MND1: variants seen among roughly 807,000 people sequenced by gnomAD.
MND1 encodes meiotic nuclear divisions 1, also known as meiotic nuclear division protein 1 homolog.
MND1 carries 28 observed loss-of-function variants against 35.1 expected under a neutral mutation model. The ratio of observed to expected loss-of-function variants is 0.80; its 90% CI spans 0.59 to 1.09. MND1 has a LOEUF of 1.09. MND1 is among the 50% of genes least tolerant of loss of function. The pLI is 0.00. For synonymous variants in MND1, 69 were observed against 70.5 expected, an observed-to-expected ratio of 0.98 and a Z score of 0.11; for missense variants, 213 against 239.6, an observed-to-expected ratio of 0.89 and a Z score of 0.73.
At chr4:153,372,028 G>A (rs1773801936) in intron 4 of MND1, among the ~76,000 whole-genome samples, 1 of 151,980 alleles carries the variant, frequency 6.6e-6, no homozygotes, top group Non-Finnish European at 1.5e-5. Flanking sequence ...ATGGGGGAAC[G>A]GTGAGTCACT....
intron 7 of MND1, among the ~76,000 whole-genome samples, chr4:153,410,126 T>C (rs185456722): frequency 6.6e-6 from 1 of 152,246 alleles, no homozygotes; most frequent in Admixed American, 6.5e-5. Context: ...CTACCTCCCA[T>C]TTTGGGAGGA....
intron 5 of MND1, among the ~76,000 whole-genome samples, chr4:153,396,675 A>G (rs1348942385): frequency 6.6e-6 from 1 of 152,146 alleles, no homozygotes; most frequent in Non-Finnish European, 1.5e-5. Flanking sequence ...TTGAAGCTTT[A>G]TTCTGGTTTA....
chr4:153,349,374 A>G (rs1207298155), intron 1 of MND1, among the ~76,000 whole-genome samples: 1 of 152,064 alleles, frequency 6.6e-6, no homozygotes, highest in Non-Finnish European at 1.5e-5. Flanking sequence ...ATGCAACTCT[A>G]ATCTTGTCAC....
At chr4:153,379,332 AAAAAG>A (rs1391392748) in intron 4 of MND1, among the ~76,000 whole-genome samples, 2 of 151,500 alleles carry the variant, frequency 1.3e-5, no homozygotes, top group African/African-American at 4.8e-5. Context: ...AAAGAAAAAA[AAAAAG>A]AAACCACAAA....
chr4:153,359,997 A>G (rs537076234), intron 4 of MND1, among the ~76,000 whole-genome samples: 1 of 151,786 alleles, frequency 6.6e-6, no homozygotes, highest in African/African-American at 2.4e-5. Context: ...ATGATGGCCA[A>G]GCTGGTCTTG....
intron 2 of MND1, among the ~76,000 whole-genome samples, chr4:153,353,617 T>C (rs1773273373): frequency 6.6e-6 from 1 of 151,768 alleles, no homozygotes; most frequent in African/African-American, 2.4e-5. Context: ...TGGATGAGTA[T>C]AAATTTTTAT....
intron 1 of MND1, chr4:153,345,531 C>T (rs1035247627): frequency 1.3e-5 from 13 of 985,216 alleles, no homozygotes; most frequent in Middle Eastern, 5.2e-4. Context: ...GTGAGCTTAA[C>T]GTCTTTCTGC....
intron 4 of MND1, among the ~76,000 whole-genome samples, chr4:153,389,030 A>G (rs924173178): frequency 3.3e-5 from 5 of 152,238 alleles, no homozygotes; most frequent in Non-Finnish European, 5.9e-5. Flanking sequence ...GTGAGTATGC[A>G]AAGAAAGACT....
chr4:153,378,860 G>C (rs918419826), intron 4 of MND1, among the ~76,000 whole-genome samples: 1 of 152,112 alleles, frequency 6.6e-6, no homozygotes, highest in Non-Finnish European at 1.5e-5. Context: ...CTTCTTATAA[G>C]GGACTTCAGT....
At chr4:153,361,048 AG>A (rs967061959) in intron 4 of MND1, among the ~76,000 whole-genome samples, 17 of 152,176 alleles carry the variant, frequency 1.1e-4, no homozygotes, top group African/African-American at 4.1e-4. Context: ...CATGTTGCCC[AG>A]GCTGGTCTTG....
intron 4 of MND1, among the ~76,000 whole-genome samples, chr4:153,392,625 A>T (rs1034582994): frequency 6.6e-6 from 1 of 152,122 alleles, no homozygotes; most frequent in Admixed American, 6.5e-5. Flanking sequence ...TCCCTTGTAG[A>T]CCCAGGTGAG....
At position 153,355,422 on chromosome 4, in the gene MND1, G is replaced by C. The variant is rs1352224033; in HGVS notation, c.70-232G>C. On this transcript the variant is annotated intron_variant, in intron 2 of 7. Transcript: ENST00000240488. ...TATATTGTATATTTAAAAATACTAA[G>C]AGTGAAATTGGAATGTTCCTAACAC... Among the ~76,000 whole-genome samples, 3 of 152,026 alleles carry C rather than the reference G, an allele frequency of 2.0e-5. No individual in the cohort carries two copies. The East Asian group carries it at 5.8e-4, about 29-fold the overall frequency.
chr4:153,352,564 C>CGTAA (rs1389057794), intron 2 of MND1, among the ~76,000 whole-genome samples: 1 of 151,874 alleles, frequency 6.6e-6, no homozygotes, highest in Non-Finnish European at 1.5e-5. Flanking sequence ...ATGCCCAGGT[C>CGTAA]GTAAGTGCTT....
intron 2 of MND1, among the ~76,000 whole-genome samples, chr4:153,350,338 C>T (rs1236984123): frequency 6.6e-6 from 1 of 152,120 alleles, no homozygotes; most frequent in East Asian, 1.9e-4. Flanking sequence ...TTCACCCAAG[C>T]AGTCCTGCAT....
intron 2 of MND1, among the ~76,000 whole-genome samples, chr4:153,353,844 C>A (rs1370537580): frequency 6.6e-6 from 1 of 152,074 alleles, no homozygotes; most frequent in African/African-American, 2.4e-5. Context: ...CTCAGTCTCT[C>A]GAGTAGCTGG....
intron 6 of MND1, among the ~76,000 whole-genome samples, chr4:153,400,287 G>T (rs1483176400): frequency 6.6e-6 from 1 of 152,082 alleles, no homozygotes; most frequent in Admixed American, 6.5e-5. Context: ...GGATCCTGGA[G>T]AACTTGTAAT....
At chr4:153,368,409 AC>A (rs1773709832) in intron 4 of MND1, among the ~76,000 whole-genome samples, 1 of 152,158 alleles carries the variant, frequency 6.6e-6, no homozygotes, top group African/African-American at 2.4e-5. Flanking sequence ...CTAACAAAAC[AC>A]TTTGTTAAAG....
chr4:153,367,237 T>C (rs1179393951), intron 4 of MND1, among the ~76,000 whole-genome samples: 2 of 152,184 alleles, frequency 1.3e-5, no homozygotes, highest in Non-Finnish European at 2.9e-5. Flanking sequence ...ATCACTACAG[T>C]CAATTTTAGA....
intron 3 of MND1, 152 bp downstream of exon 3, chr4:153,355,863 A>G (rs974469162): frequency 3.0e-5 from 18 of 595,450 alleles, no homozygotes; most frequent in South Asian, 1.6e-4. Flanking sequence ...TCACCATCCA[A>G]AGATAACCAC....
Sources: gnomAD v4.1 joint callset for allele counts (sites outside exome capture counted in the v4.1 genomes callset) on GRCh38, gnomAD v4.1.1 for gene constraint, MANE v1.5 for transcripts, NCBI Gene and HGNC (gene_info 2026-07-23, HGNC 2026-07-21) for gene names.